IKZF2: variants seen among roughly 807,000 people sequenced by gnomAD.
IKZF2 encodes zinc finger protein Helios.
Under a neutral mutation model 49.2 loss-of-function variants are expected in IKZF2, and 15 were observed. That is an observed-to-expected ratio of 0.30 (90% CI 0.20 to 0.47). The LOEUF (loss-of-function observed/expected upper bound fraction) is 0.47, where lower values mean the gene tolerates loss of function less well. Among genes scored for constraint, IKZF2 ranks in the 20% least tolerant of loss-of-function variants. The pLI is 1.00. For missense variants in IKZF2, 567 were observed against 664.6 expected, an observed-to-expected ratio of 0.85 and a Z score of 1.61; for synonymous variants, 227 against 221.4, an observed-to-expected ratio of 1.03 and a Z score of -0.23.
chr2:213,100,824 T>C (rs978436857), intron 4 of IKZF2, among the ~76,000 whole-genome samples: 1 of 152,098 alleles, frequency 6.6e-6, no homozygotes, highest in African/African-American at 2.4e-5. Flanking sequence ...CCCAATATTA[T>C]AAATCCAACA....
intron 4 of IKZF2, among the ~76,000 whole-genome samples, chr2:213,140,270 A>C (rs2060820764): frequency 6.6e-6 from 1 of 151,982 alleles, no homozygotes; most frequent in African/African-American, 2.4e-5. Context: ...ATGCTGATTA[A>C]GATGTTATCT....
At chr2:213,037,551 T>C (rs574373294) in intron 6 of IKZF2, among the ~76,000 whole-genome samples, 33 of 152,330 alleles carry the variant, frequency 2.2e-4, no homozygotes, top group African/African-American at 7.2e-4. Flanking sequence ...GAAAGTGGCT[T>C]TTACCTTCTA....
chr2:213,141,685 C>T (rs766911382), intron 4 of IKZF2, among the ~76,000 whole-genome samples: 35 of 151,832 alleles, frequency 2.3e-4, no homozygotes, highest in Admixed American at 7.2e-4. Flanking sequence ...CACCTCTCAT[C>T]CCCCGTAATA....
chr2:213,017,023 A>G (rs1015927694), intron 7 of IKZF2: 2 of 152,128 alleles, frequency 1.3e-5, no homozygotes, highest in Admixed American at 1.3e-4. Context: ...TATTGTTGCA[A>G]ATTTTCTCCG....
At chr2:213,101,605 A>G (rs904358499) in intron 4 of IKZF2, among the ~76,000 whole-genome samples, 3 of 152,190 alleles carry the variant, frequency 2.0e-5, no homozygotes, top group Admixed American at 6.6e-5. Context: ...TCCAAATTAA[A>G]TTTAATTTTA....
intron 2 of IKZF2, 102 bp from the exon 3 acceptor site, chr2:213,148,746 T>C: frequency 1.1e-6 from 1 of 877,574 alleles, no homozygotes; most frequent in East Asian, 2.5e-5. Flanking sequence ...TCCATGTTGC[T>C]GCTGCCACCT....
intron 4 of IKZF2, among the ~76,000 whole-genome samples, chr2:213,085,567 C>T (rs1704483629): frequency 6.6e-6 from 1 of 152,068 alleles, no homozygotes; most frequent in Admixed American, 6.6e-5. Flanking sequence ...TGAGAGTTGG[C>T]AGTGCTGGTT....
intron 4 of IKZF2, among the ~76,000 whole-genome samples, chr2:213,076,529 T>C (rs924944222): frequency 2.0e-5 from 3 of 152,218 alleles, no homozygotes; most frequent in Admixed American, 6.5e-5. Flanking sequence ...ATGAAATATG[T>C]ATGTGAAGTG....
chr2:213,091,758 C>A (rs1705357301), intron 4 of IKZF2, among the ~76,000 whole-genome samples: 2 of 152,010 alleles, frequency 1.3e-5, no homozygotes, highest in South Asian at 2.1e-4. Context: ...TATTCTATTT[C>A]TCTGTGTAAC....
intron 4 of IKZF2, among the ~76,000 whole-genome samples, chr2:213,125,281 C>CT (rs2060219832): frequency 6.6e-6 from 1 of 152,136 alleles, no homozygotes; most frequent in Admixed American, 6.5e-5. Context: ...CGAATAAAAT[C>CT]TTTTTTCTCT....
At chr2:213,119,235 G>A (rs1482361009) in intron 4 of IKZF2, among the ~76,000 whole-genome samples, 3 of 152,142 alleles carry the variant, frequency 2.0e-5, no homozygotes, top group African/African-American at 7.2e-5. Flanking sequence ...AAAAAGAATA[G>A]TAAAAGGGGC....
At chr2:213,052,508 C>T (rs1700770056) in intron 5 of IKZF2, among the ~76,000 whole-genome samples, 1 of 151,958 alleles carries the variant, frequency 6.6e-6, no homozygotes, top group Non-Finnish European at 1.5e-5. Flanking sequence ...TTTTATTTGC[C>T]TAACTCCTGT....
chr2:213,085,977 A>C (rs1292365807), intron 4 of IKZF2, among the ~76,000 whole-genome samples: 1 of 152,154 alleles, frequency 6.6e-6, no homozygotes, highest in Non-Finnish European at 1.5e-5. Flanking sequence ...AAAAGTTAGC[A>C]AGTGGTTCTG....
chr2:213,105,500 G>T (rs139320795), intron 4 of IKZF2, among the ~76,000 whole-genome samples: 6 of 136,152 alleles, frequency 4.4e-5, no homozygotes, highest in African/African-American at 1.4e-4. Flanking sequence ...TACACAATAC[G>T]TCACCTCTGA....
chr2:213,023,016 G>C (rs1224877673), intron 6 of IKZF2, among the ~76,000 whole-genome samples: 1 of 152,104 alleles, frequency 6.6e-6, no homozygotes, highest in Admixed American at 6.6e-5. Flanking sequence ...CTCTTCATAA[G>C]GACATCACAG....
chr2:213,008,169 CGAA>C (rs1256572858), intron 8 of IKZF2, 85 bp from the exon 9 acceptor site: 27 of 1,400,486 alleles, frequency 1.9e-5, no homozygotes, highest in Non-Finnish European at 2.6e-5. Flanking sequence ...TGAAAGGGTA[CGAA>C]GTTGACTGAT....
chr2:213,043,790 A>C (rs1421244711), intron 6 of IKZF2, among the ~76,000 whole-genome samples: 1 of 152,210 alleles, frequency 6.6e-6, no homozygotes, highest in Non-Finnish European at 1.5e-5. Context: ...CTCAGGCAGT[A>C]ATGCTTGCTC....
chr2:213,150,223 T>G lies in IKZF2; in HGVS notation c.-95A>C. The G allele has an allele frequency of 7.8e-7, 1 of 1,283,080 alleles. No individual in the cohort carries two copies. Among genetic ancestry groups the G allele is most frequent in the Non-Finnish European group, 1.0e-6 (1 of 969,680 alleles). The allele number at this position is 1,283,080 out of a possible 1,614,324, so 79.5% of individuals were successfully genotyped here. A position where few individuals can be genotyped will look rare whatever the true frequency, so the allele number is the denominator to read the frequency against. ...GGAGATCTCAGCTTCTTCTAACCCC[T>G]CAAAGAGGAGGTGACAATGTCGGGC... is the stretch of plus-strand genomic sequence containing the variant. On this transcript the variant is annotated 5_prime_UTR_variant, in exon 2 of 9. Coordinates refer to ENST00000434687, the MANE Select transcript of IKZF2 (RefSeq NM_001387220.1).
chr2:213,138,468 G>C (rs2060754139), intron 4 of IKZF2, among the ~76,000 whole-genome samples: 1 of 151,938 alleles, frequency 6.6e-6, no homozygotes, highest in South Asian at 2.1e-4. Flanking sequence ...CAACAACTAA[G>C]AAATCAAGTT....
Sources: allele counts gnomAD v4.1 joint callset (sites outside exome capture counted in the v4.1 genomes callset), GRCh38; gene constraint gnomAD v4.1.1; transcripts MANE v1.5; gene names NCBI Gene and HGNC (gene_info 2026-07-23, HGNC 2026-07-21).